The following PPARGC1A variants were observed in gnomAD, a reference collection of about 807,000 sequenced individuals.
The protein encoded by PPARGC1A is peroxisome proliferator-activated receptor gamma coactivator 1-alpha.
A neutral mutation model predicts 88.7 loss-of-function variants in PPARGC1A; 25 were observed. That is an observed-to-expected ratio of 0.28 (90% CI 0.21 to 0.39). The LOEUF (loss-of-function observed/expected upper bound fraction) is 0.39. PPARGC1A is among the 10% of genes least tolerant of loss of function. The probability of loss-of-function intolerance (pLI) is 1.00; values close to 1 mark genes in which losing one functional copy is unlikely to be tolerated. For missense variants in PPARGC1A, 880 were observed against 968.7 expected (o/e 0.91, Z 1.22); for synonymous variants, 363 against 355.6 (o/e 1.02, Z -0.24).
the PPARGC1A span, among the ~76,000 whole-genome samples, chr4:23,929,251 C>T: frequency 4.6e-5 from 7 of 152,232 alleles, no homozygotes; most frequent in South Asian, 2.1e-4. Flanking sequence ...CTATAAAGGA[C>T]GCTAAAGTAT....
At chr4:23,855,760 A>G (rs376066781) in intron 2 of PPARGC1A, among the ~76,000 whole-genome samples, 10 of 152,148 alleles carry the variant, frequency 6.6e-5, no homozygotes, top group African/African-American at 2.2e-4. Context: ...TAAAGCTTCT[A>G]CAGGGCCCAC....
the PPARGC1A span, among the ~76,000 whole-genome samples, chr4:24,078,962 A>G: frequency 5.3e-5 from 8 of 152,242 alleles, no homozygotes; most frequent in Non-Finnish European, 7.4e-5. Context: ...ACATAGAGTA[A>G]ATAAAACACT....
At chr4:23,849,036 C>T (rs976089969) in intron 2 of PPARGC1A, among the ~76,000 whole-genome samples, 6 of 152,040 alleles carry the variant, frequency 3.9e-5, no homozygotes, top group African/African-American at 9.7e-5. Flanking sequence ...CCCAGCTACT[C>T]GGGAGGCTGA....
chr4:24,054,249 A>G, the PPARGC1A span, among the ~76,000 whole-genome samples: 2 of 151,308 alleles, frequency 1.3e-5, no homozygotes, highest in East Asian at 3.9e-4. Flanking sequence ...ATTATTTGCT[A>G]CTGAGGAGAG....
chr4:24,404,558 T>C, the PPARGC1A span, among the ~76,000 whole-genome samples: 1 of 151,948 alleles, frequency 6.6e-6, no homozygotes, highest in Non-Finnish European at 1.5e-5. Flanking sequence ...AGTGCAAGAA[T>C]GCTGTCCCCA....
the PPARGC1A span, among the ~76,000 whole-genome samples, chr4:24,260,899 T>C: frequency 1.9e-4 from 29 of 152,332 alleles, no homozygotes; most frequent in South Asian, 4.1e-4. Flanking sequence ...TGTTAGCCCT[T>C]GTAGCTAGAG....
At chr4:24,095,242 C>T in the PPARGC1A span, among the ~76,000 whole-genome samples, 67 of 151,928 alleles carry the variant, frequency 4.4e-4, no homozygotes, top group African/African-American at 1.5e-3. Flanking sequence ...CTCAGCCTCC[C>T]GAGTAGCTGG....
the PPARGC1A span, among the ~76,000 whole-genome samples, chr4:24,417,757 T>G: frequency 6.6e-6 from 1 of 152,108 alleles, no homozygotes; most frequent in South Asian, 2.1e-4. Context: ...CAGAAGCAAA[T>G]TATAAAACAT....
At chr4:24,310,465 G>A in the PPARGC1A span, among the ~76,000 whole-genome samples, 34 of 152,212 alleles carry the variant, frequency 2.2e-4, no homozygotes, top group African/African-American at 7.5e-4. Context: ...CAATTTTATG[G>A]TTCGTAGCTG....
At chr4:24,313,429 T>C in the PPARGC1A span, among the ~76,000 whole-genome samples, 3 of 152,210 alleles carry the variant, frequency 2.0e-5, no homozygotes, top group Non-Finnish European at 4.4e-5. Context: ...AAGCACAAAA[T>C]GCCTGTAATC....
chr4:24,384,924 A>C, the PPARGC1A span, among the ~76,000 whole-genome samples: 1 of 152,178 alleles, frequency 6.6e-6, no homozygotes, highest in East Asian at 1.9e-4. Flanking sequence ...CTCCACCCTA[A>C]ATCAACAGAA....
chr4:23,934,572 G>C, the PPARGC1A span, among the ~76,000 whole-genome samples: 46 of 152,284 alleles, frequency 3.0e-4, no homozygotes, highest in East Asian at 7.3e-3. Context: ...AGGAGATTTT[G>C]ATCTCCTGCT....
the PPARGC1A span, among the ~76,000 whole-genome samples, chr4:24,012,888 A>G: frequency 6.6e-6 from 1 of 152,186 alleles, no homozygotes; most frequent in Non-Finnish European, 1.5e-5. Flanking sequence ...TTTGTGATTG[A>G]GCAAGTATTT....
chr4:24,445,709 C>A, the PPARGC1A span, among the ~76,000 whole-genome samples: 1 of 152,106 alleles, frequency 6.6e-6, no homozygotes, highest in Admixed American at 6.6e-5. Flanking sequence ...GTCTAGTGGG[C>A]AGGAAGGGGA....
At chr4:24,263,901 T>C in the PPARGC1A span, among the ~76,000 whole-genome samples, 64,258 of 151,736 alleles carry the variant, frequency 0.42, 14,561 homozygotes, top group Non-Finnish European at 0.5. Context: ...ATGTGTGCCC[T>C]ACCATGCCCA....
intron 2 of PPARGC1A, among the ~76,000 whole-genome samples, chr4:23,863,766 A>T (rs1196697215): frequency 6.6e-6 from 1 of 152,150 alleles, no homozygotes; most frequent in Non-Finnish European, 1.5e-5. Context: ...TTGTTTTTTG[A>T]GACAGAGTTT....
the PPARGC1A span, among the ~76,000 whole-genome samples, chr4:24,279,410 T>TTGGA: frequency 6.6e-6 from 1 of 152,034 alleles, no homozygotes; most frequent in Non-Finnish European, 1.5e-5. Context: ...GTAGGGAAGG[T>TTGGA]TGGAGCTGGA....
At chr4:23,968,542 A>G in the PPARGC1A span, among the ~76,000 whole-genome samples, 1 of 152,204 alleles carries the variant, frequency 6.6e-6, no homozygotes, top group Non-Finnish European at 1.5e-5. Flanking sequence ...TTATGAAGAC[A>G]GTCATCTTTT....
At chr4:24,304,774 G>A in the PPARGC1A span, among the ~76,000 whole-genome samples, 4 of 152,114 alleles carry the variant, frequency 2.6e-5, no homozygotes, top group African/African-American at 9.7e-5. Flanking sequence ...CTGGCAAATG[G>A]AGAAACATGG....
Sources: allele counts gnomAD v4.1 joint callset (sites outside exome capture counted in the v4.1 genomes callset), GRCh38; gene constraint gnomAD v4.1.1; transcripts MANE v1.5; gene names NCBI Gene and HGNC (gene_info 2026-07-23, HGNC 2026-07-21).